PTPRT: variants seen among roughly 807,000 people sequenced by gnomAD.
PTPRT encodes protein tyrosine phosphatase receptor type T.
In PTPRT, 56 loss-of-function variants were observed where a neutral mutation model predicts 176.8. The observed-to-expected ratio is 0.32, with a 90% CI of 0.26 to 0.40. The LOEUF (loss-of-function observed/expected upper bound fraction) is 0.40, where lower values mean the gene tolerates loss of function less well. PTPRT is among the 10% of genes least tolerant of loss of function. The pLI is 1.00. For synonymous variants in PTPRT, 783 were observed against 739.0 expected (o/e 1.06, Z -0.96); for missense variants, 1,540 against 1,908.2 (o/e 0.81, Z 3.60).
intron 16 of PTPRT, among the ~76,000 whole-genome samples, chr20:42,186,753 G>A (rs1354317608): frequency 6.6e-6 from 1 of 152,064 alleles, no homozygotes; most frequent in African/African-American, 2.4e-5. Context: ...AGAATGACAC[G>A]GATGGATATG....
intron 22 of PTPRT, among the ~76,000 whole-genome samples, 173 bp from the exon 23 acceptor site, chr20:42,110,660 G>GAAAT (rs1449194549): frequency 1.3e-5 from 2 of 152,316 alleles, no homozygotes; most frequent in South Asian, 2.1e-4. Flanking sequence ...TTACATTTGG[G>GAAAT]AAATATGGGA....
intron 6 of PTPRT, among the ~76,000 whole-genome samples, chr20:42,693,658 T>C (rs999860380): frequency 9.9e-5 from 15 of 152,184 alleles, no homozygotes; most frequent in African/African-American, 3.6e-4. Flanking sequence ...GGCATCCATA[T>C]GAAAAAATAA....
intron 16 of PTPRT, 40 bp downstream of exon 16, chr20:42,199,200 G>T: frequency 6.2e-7 from 1 of 1,606,802 alleles, no homozygotes; most frequent in Non-Finnish European, 8.5e-7. Context: ...GGCTGAGCTG[G>T]ACCACGGATG....
chr20:42,494,502 G>T (rs6016810), intron 7 of PTPRT, among the ~76,000 whole-genome samples: 25,168 of 151,972 alleles, frequency 0.17, 5,300 homozygotes, highest in African/African-American at 0.5. Context: ...TCAGTTGTGG[G>T]TTTGGGAATA....
Position 42,135,585 on chromosome 20 carries a change from G to T in PTPRT, c.2770+6330C>A, listed in dbSNP as rs1036150124. On this transcript the variant is annotated intron_variant, in intron 18 of 30. Coordinates refer to ENST00000373187, the MANE Select transcript of PTPRT (RefSeq NM_007050.6). ...GTGCTCTGGTTATTCACTTCAATCT[G>T]TCTTGGGAAAGACCAGAAGATCTTA... Among the ~76,000 whole-genome samples the T allele has an allele frequency of 2.6e-5, 4 of 152,174 alleles. No individual in the cohort carries two copies. In the East Asian group the frequency reaches 7.7e-4, roughly 29 times the overall value.
chr20:42,606,137 G>A (rs953388132), intron 7 of PTPRT, among the ~76,000 whole-genome samples: 4 of 152,120 alleles, frequency 2.6e-5, no homozygotes, highest in Admixed American at 2.6e-4. Context: ...TCTTCTCTGG[G>A]CCCAGATTTT....
chr20:42,285,166 G>A (rs925720748), intron 12 of PTPRT, among the ~76,000 whole-genome samples: 2 of 151,918 alleles, frequency 1.3e-5, no homozygotes, highest in Non-Finnish European at 2.9e-5. Flanking sequence ...CTGTGTTTTG[G>A]TTTAAAGAGC....
the PTPRT span, among the ~76,000 whole-genome samples, chr20:42,038,574 G>A: frequency 6.6e-6 from 1 of 152,212 alleles, no homozygotes. Flanking sequence ...CTTATGGTTA[G>A]ACTATCTGGA....
intron 1 of PTPRT, among the ~76,000 whole-genome samples, chr20:43,037,010 A>T (rs1260528943): frequency 6.6e-6 from 1 of 152,222 alleles, no homozygotes; most frequent in Non-Finnish European, 1.5e-5. Flanking sequence ...AAAATACATA[A>T]ATCTTTGGCA....
At chr20:43,132,171 A>G (rs889295646) in intron 1 of PTPRT, among the ~76,000 whole-genome samples, 1 of 152,196 alleles carries the variant, frequency 6.6e-6, no homozygotes, top group Admixed American at 6.5e-5. Flanking sequence ...ATTCAATGCA[A>G]TTAGATAAGA....
rs543992826 is a variant in PTPRT, at chr20:43,001,895, A to C, written c.89-115963T>G. ...ACAAACAAACAAAAAAACAAACAAA[A>C]AAAACCACCATTGAAAATACTAGGT... On this transcript the variant is annotated intron_variant, in intron 1 of 30. Transcript: ENST00000373187. 2.0e-5 allele frequency among the ~76,000 whole-genome samples: 3 copies of C among 152,256 alleles called. No individual in the cohort carries two copies. In the South Asian group the frequency reaches 6.2e-4, roughly 32 times the overall value.
At chr20:42,824,463 C>T (rs1198954949) in intron 2 of PTPRT, among the ~76,000 whole-genome samples, 2 of 151,802 alleles carry the variant, frequency 1.3e-5, no homozygotes, top group African/African-American at 4.8e-5. Context: ...ATCAATAGAC[C>T]ATATATGAGA....
Position 42,164,844 on chromosome 20 carries a change from C to G in PTPRT, c.2492-3302G>C, listed in dbSNP as rs1403250681. Among the ~76,000 whole-genome samples, 7 of 152,202 alleles carry G rather than the reference C, an allele frequency of 4.6e-5. No homozygotes were observed. In the South Asian group the frequency reaches 1.2e-3, roughly 27 times the overall value. ...GCTGCTCATAAAATGTAACTCACAC[C>G]AGCTGGCCCAGGGACAGAGGATTTT... On this transcript the variant is annotated intron_variant, in intron 16 of 30. Transcript: ENST00000373187.
chr20:42,991,707 TG>T (rs2146108176), intron 1 of PTPRT, among the ~76,000 whole-genome samples: 1 of 152,336 alleles, frequency 6.6e-6, no homozygotes, highest in Admixed American at 6.5e-5. Context: ...ATGGTCAAAA[TG>T]GTAAGTTTTA....
intron 7 of PTPRT, among the ~76,000 whole-genome samples, chr20:42,659,616 C>T (rs560415575): frequency 1.3e-5 from 2 of 152,238 alleles, no homozygotes; most frequent in African/African-American, 2.4e-5. Context: ...TGGTCAAATG[C>T]TTTGGGGTGG....
chr20:42,594,733 G>T (rs542203213), intron 7 of PTPRT, among the ~76,000 whole-genome samples: 116 of 152,230 alleles, frequency 7.6e-4, no homozygotes, highest in African/African-American at 2.4e-3. Flanking sequence ...TCCAGCTCAA[G>T]CCAAGACATA....
chr20:43,046,019 G>C (rs972861207), intron 1 of PTPRT, among the ~76,000 whole-genome samples: 1 of 152,180 alleles, frequency 6.6e-6, no homozygotes, highest in Admixed American at 6.5e-5. Context: ...GCCAAGAAAT[G>C]GGCTAACACA....
intron 12 of PTPRT, among the ~76,000 whole-genome samples, chr20:42,297,703 A>T (rs1271611930): frequency 6.6e-6 from 1 of 152,212 alleles, no homozygotes; most frequent in African/African-American, 2.4e-5. Context: ...TACGACATCC[A>T]GAAAAACACC....
intron 4 of PTPRT, among the ~76,000 whole-genome samples, chr20:42,778,982 T>C (rs1314926299): frequency 6.6e-6 from 1 of 152,166 alleles, no homozygotes; most frequent in African/African-American, 2.4e-5. Flanking sequence ...AAGATACCAG[T>C]TGCTTCTTGG....
Sources: allele counts gnomAD v4.1 joint callset (sites outside exome capture counted in the v4.1 genomes callset), GRCh38; gene constraint gnomAD v4.1.1; transcripts MANE v1.5; gene names NCBI Gene and HGNC (gene_info 2026-07-23, HGNC 2026-07-21).